Variants in VPS25 observed in about 807,000 individuals in gnomAD.
VPS25 encodes the protein vacuolar protein-sorting-associated protein 25.
VPS25 carries 21 observed loss-of-function variants against 30.3 expected under a neutral mutation model. The ratio of observed to expected loss-of-function variants is 0.69; its 90% confidence interval spans 0.49 to 1.00. The LOEUF (loss-of-function observed/expected upper bound fraction) is 1.00, where lower values mean the gene tolerates loss of function less well. VPS25 is among the 50% of genes least tolerant of loss of function. The pLI is 0.00. For synonymous variants in VPS25, 101 were observed against 88.1 expected (o/e 1.15, Z -0.82); for missense variants, 156 against 217.2 (o/e 0.72, Z 1.77).
Position 42,773,852 on chromosome 17 carries a change from C to T in VPS25, c.173C>T (p.Pro58Leu), listed in dbSNP as rs781028794. The T allele has an allele frequency of 5.6e-6, 9 of 1,613,798 alleles. No individual in the cohort carries two copies. The highest frequency in any genetic ancestry group is 5.9e-6 in the Non-Finnish European group (7 of 1,180,008). Residue 58 changes from proline to leucine, a missense_variant, in exon 2 of 6, where the codon CCG becomes CTG. Physicochemically the swap from Pro to Leu is moderately conservative, Grantham distance 98. Transcript: ENST00000253794. Reference sequence around the variant, plus strand: ...ACGGTGATGGAAGCTCAGGAGAGCCCGCTCTTCAACAACGTCAAGCTACAG... The same window carrying T: ...ACGGTGATGGAAGCTCAGGAGAGCCTGCTCTTCAACAACGTCAAGCTACAG... ...SMTVMEAQES[P>L]LFNNVKLQRK...
chr17:42,775,212 A>G (rs1029887838), intron 3 of VPS25, 169 bp from the exon 4 acceptor site: 4 of 565,352 alleles, frequency 7.1e-6, no homozygotes, highest in Admixed American at 6.4e-5. Flanking sequence ...CACCTGGCTA[A>G]TTTTTTGTAT....
intron 2 of VPS25, 75 bp downstream of exon 2, chr17:42,773,953 C>A (rs1194317597): frequency 2.6e-6 from 4 of 1,517,056 alleles, no homozygotes; most frequent in East Asian, 4.6e-5. Context: ...GACGCCCCCC[C>A]GCGCCAGCCC....
intron 4 of VPS25, 21 bp from the exon 5 acceptor site, chr17:42,776,224 C>A (rs2054434613): frequency 6.2e-7 from 1 of 1,608,036 alleles, no homozygotes; most frequent in African/African-American, 1.3e-5. Flanking sequence ...CTAATTCACT[C>A]CTCATTTTCT....
intron 5 of VPS25, among the ~76,000 whole-genome samples, chr17:42,777,700 G>A (rs556171690): frequency 1.4e-4 from 22 of 152,298 alleles, no homozygotes; most frequent in East Asian, 1.2e-3. Context: ...CAGCTGAAGA[G>A]ATTAGGCCAA....
At chr17:42,775,281 A>G (rs1568023001) in intron 3 of VPS25, 100 bp from the exon 4 acceptor site, 1 of 803,474 alleles carries the variant, frequency 1.2e-6, no homozygotes, top group African/African-American at 1.7e-5. Flanking sequence ...TGCCCAGGCT[A>G]GTTTCGAACT....
chr17:42,774,457 A>T, intron 2 of VPS25, 189 bp from the exon 3 acceptor site: 1 of 427,006 alleles, frequency 2.3e-6, no homozygotes, highest in Non-Finnish European at 4.1e-6. Context: ...AGCTCCTTTT[A>T]ATTGGAAGAG....
At chr17:42,774,398 G>C (rs1322026206) in intron 2 of VPS25, 7 of 352,580 alleles carry the variant, frequency 2.0e-5, no homozygotes, top group Non-Finnish European at 3.0e-5. Flanking sequence ...TTTGGAGACA[G>C]GGTCTTCCTC....
rs1265521042 is a variant in VPS25 at position 42,773,540 on chromosome 17, A to AC, written c.53+16dup. On this transcript the variant is annotated intron_variant, in intron 1 of 5. Transcript: ENST00000253794. ...CCACCCTTCTTTACGTGAGGCTCAG[A>AC]CCCCAAGAAGCACCGCTGTGCCTCC... 1.9e-6 allele frequency: 3 copies of AC among 1,613,598 alleles called. No individual in the cohort carries two copies. The South Asian group carries it at 3.3e-5, about 18-fold the overall frequency.
chr17:42,775,122 G>A (rs2054429124), intron 3 of VPS25: 1 of 452,102 alleles, frequency 2.2e-6, no homozygotes. Flanking sequence ...CTATCTCACT[G>A]CAGCCTCGAC....
At chr17:42,778,113 C>T (rs1034579850) in intron 5 of VPS25, among the ~76,000 whole-genome samples, 1 of 152,168 alleles carries the variant, frequency 6.6e-6, no homozygotes, top group African/African-American at 2.4e-5. Flanking sequence ...CAGGGCTTGC[C>T]TGCTGCCTCC....
At position 42,779,011 on chromosome 17, in the gene VPS25, A is replaced by G; in HGVS notation, c.473A>G (p.Gln158Arg). The G allele has an allele frequency of 3.1e-6, 5 of 1,613,830 alleles. No individual in the cohort carries two copies. The highest frequency in any genetic ancestry group is 4.2e-6 in the Non-Finnish European group (5 of 1,179,976). The change falls in exon 6 of 6, where the codon CAG becomes CGG. Residue 158 changes from glutamine to arginine, a missense_variant. Coordinates refer to ENST00000253794, the MANE Select transcript of VPS25 (RefSeq NM_032353.4). ...TLLRALQALQ[Q>R]EHKAEIITVS... is the part of the protein sequence containing the mutation. ...CTGCGGGCTCTGCAGGCCCTACAGC[A>G]GGAGCACAAGGCCGAGATCATCACT...
At chr17:42,773,683 G>A in intron 1 of VPS25, 50 bp from the exon 2 acceptor site, 1 of 1,606,550 alleles carries the variant, frequency 6.2e-7, no homozygotes. Flanking sequence ...TCCCGGGCAA[G>A]TGCTGCCTCC....
At chr17:42,775,341 T>C in intron 3 of VPS25, 40 bp from the exon 4 acceptor site, 1 of 1,570,692 alleles carries the variant, frequency 6.4e-7, no homozygotes, top group Non-Finnish European at 8.8e-7. Flanking sequence ...TGTAAGCCAC[T>C]GCGCGCCTGG....
intron 2 of VPS25, 73 bp downstream of exon 2, chr17:42,773,951 C>G (rs1394942661): frequency 2.0e-6 from 3 of 1,516,292 alleles, no homozygotes; most frequent in Non-Finnish European, 2.7e-6. Flanking sequence ...CAGACGCCCC[C>G]CCGCGCCAGC....
chr17:42,776,129 T>A (rs2054434035), intron 4 of VPS25, 116 bp from the exon 5 acceptor site: 4 of 859,012 alleles, frequency 4.7e-6, no homozygotes, highest in Non-Finnish European at 7.4e-6. Context: ...GAGGCGACAG[T>A]GAGTCCTGGT....
Position 42,774,695 on chromosome 17 carries a change from G to T in VPS25, c.249G>T (p.Lys83Asn). 1.2e-6 allele frequency: 2 copies of T among 1,612,556 alleles called. No homozygotes were observed. The highest frequency in any genetic ancestry group is 2.2e-5 in the South Asian group (2 of 90,948). Reference sequence around the variant, plus strand: ...AGATTGTATTAGAGGAACTGAGGAAGAAAGGTGGGTTCAGTTCCCCAGATT... The same window carrying T: ...AGATTGTATTAGAGGAACTGAGGAATAAAGGTGGGTTCAGTTCCCCAGATT... ...SIQIVLEELR[K>N]KGNLEWLDKS... Residue 83 changes from lysine (K) to asparagine (N), a missense_variant, in exon 3 of 6, where the codon AAG becomes AAT. Transcript: ENST00000253794.
chr17:42,778,081 G>T (rs146349982), intron 5 of VPS25, among the ~76,000 whole-genome samples: 1 of 152,132 alleles, frequency 6.6e-6, no homozygotes, highest in Admixed American at 6.5e-5. Flanking sequence ...GCCCCCACAG[G>T]GGGTGAGGTA....
rs2054427061 is a variant in VPS25 at position 42,774,659 on chromosome 17, G to A, written c.213G>A (p.Val71=). The part of the protein sequence containing the change: ...NNVKLQRKLP[V]ESIQIVLEEL... Reference sequence around the variant, plus strand: ...ACCTTAAACCAGGAAAGCTTCCTGTGGAGTCGATCCAGATTGTATTAGAGG... The same window carrying A: ...ACCTTAAACCAGGAAAGCTTCCTGTAGAGTCGATCCAGATTGTATTAGAGG... The change falls in exon 3 of 6, where the codon GTG becomes GTA. Residue 71 remains valine (V), a synonymous_variant. Transcript: ENST00000253794. 6.2e-7 allele frequency: 1 copy of A among 1,613,018 alleles called. No homozygotes were observed. The highest frequency in any genetic ancestry group is 8.5e-7 in the Non-Finnish European group (1 of 1,179,178).
intron 3 of VPS25, 38 bp from the exon 4 acceptor site, chr17:42,775,343 C>A: frequency 1.9e-6 from 3 of 1,570,254 alleles, no homozygotes; most frequent in Middle Eastern, 1.7e-4. Context: ...TAAGCCACTG[C>A]GCGCCTGGTT....
Sources: allele counts gnomAD v4.1 joint callset (sites outside exome capture counted in the v4.1 genomes callset), GRCh38; gene constraint gnomAD v4.1.1; transcripts MANE v1.5; gene names NCBI Gene and HGNC (gene_info 2026-07-23, HGNC 2026-07-21).